RAB2A: variants seen among roughly 807,000 people sequenced by gnomAD.
The protein encoded by RAB2A is RAB2A, member RAS oncogene family, also known as ras-related protein Rab-2A.
Under a neutral mutation model 32.5 loss-of-function variants are expected in RAB2A, and 7 were observed. The ratio of observed to expected loss-of-function variants is 0.22; its 90% CI spans 0.12 to 0.40. The LOEUF (loss-of-function observed/expected upper bound fraction) is 0.40. RAB2A is among the 10% of genes least tolerant of loss of function. The pLI is 1.00. For missense variants in RAB2A, 108 were observed against 260.7 expected (o/e 0.41, Z 4.03); for synonymous variants, 79 against 85.2 (o/e 0.93, Z 0.40).
intron 1 of RAB2A, among the ~76,000 whole-genome samples, chr8:60,537,031 CA>C (rs1349088112): frequency 2.0e-5 from 3 of 152,040 alleles, no homozygotes; most frequent in Non-Finnish European, 4.4e-5. Context: ...TCATTACTAG[CA>C]AAAATGTAGA....
intron 1 of RAB2A, among the ~76,000 whole-genome samples, chr8:60,522,522 T>C (rs1411428023): frequency 6.6e-6 from 1 of 152,150 alleles, no homozygotes; most frequent in Non-Finnish European, 1.5e-5. Flanking sequence ...ACTTTCTTTT[T>C]TAAAAAAAAA....
intron 3 of RAB2A, among the ~76,000 whole-genome samples, chr8:60,579,917 G>A (rs762875687): frequency 6.6e-6 from 1 of 151,736 alleles, no homozygotes; most frequent in African/African-American, 2.4e-5. Context: ...GTGAGCCACC[G>A]CGCCTGGCCC....
intron 1 of RAB2A, among the ~76,000 whole-genome samples, chr8:60,527,322 CAG>C (rs1389926822): frequency 6.6e-6 from 1 of 152,160 alleles, no homozygotes; most frequent in Non-Finnish European, 1.5e-5. Context: ...GGTGGAGACA[CAG>C]AGCCAGACAA....
intron 1 of RAB2A, among the ~76,000 whole-genome samples, chr8:60,539,939 T>C (rs17743742): frequency 0.013 from 2,008 of 152,098 alleles, 27 homozygotes; most frequent in Non-Finnish European, 0.021. Flanking sequence ...CAGGCTGTTA[T>C]GAGAAATAAG....
intron 1 of RAB2A, among the ~76,000 whole-genome samples, chr8:60,522,792 A>T (rs1356664849): frequency 6.6e-6 from 1 of 151,540 alleles, no homozygotes; most frequent in Non-Finnish European, 1.5e-5. Context: ...CAGAAGGAAG[A>T]CCTCTTCCTG....
intron 2 of RAB2A, among the ~76,000 whole-genome samples, chr8:60,569,457 CT>C (rs1808163523): frequency 6.6e-6 from 1 of 152,104 alleles, no homozygotes; most frequent in African/African-American, 2.4e-5. Flanking sequence ...GAGGCAAAAT[CT>C]TTGTTTAAAG....
intron 6 of RAB2A, among the ~76,000 whole-genome samples, chr8:60,596,481 C>T (rs531265460): frequency 5.9e-5 from 9 of 152,196 alleles, no homozygotes; most frequent in Admixed American, 4.6e-4. Context: ...AAAAAGTGGG[C>T]GAAGGATATG....
chr8:60,544,926 G>GTATT (rs1318510807), intron 1 of RAB2A, among the ~76,000 whole-genome samples: 1 of 151,394 alleles, frequency 6.6e-6, no homozygotes, highest in Non-Finnish European at 1.5e-5. Flanking sequence ...TGTATTTTTG[G>GTATT]TAGAGACAGG....
rs534880927 is a variant in RAB2A at position 60,615,644 on chromosome 8, G to A, written c.475-2936G>A. On this transcript the variant is annotated intron_variant, in intron 6 of 7. Coordinates refer to ENST00000262646, the MANE Select transcript of RAB2A (RefSeq NM_002865.3). ...AGGAGATTTTATCTGTGACACCCAA[G>A]GCTCTTACCTTAGAACTTTTATTTG... Among the ~76,000 whole-genome samples the A allele has an allele frequency of 2.0e-5, 3 of 152,120 alleles. No individual in the cohort carries two copies. The East Asian group carries it at 5.8e-4, about 29-fold the overall frequency.
chr8:60,548,909 C>T (rs1409285110), intron 1 of RAB2A, among the ~76,000 whole-genome samples: 1 of 142,676 alleles, frequency 7.0e-6, no homozygotes, highest in Non-Finnish European at 1.6e-5. Flanking sequence ...CAGAGGGGCT[C>T]CTCACTTCTC....
rs1321600171 is a variant in RAB2A, at chr8:60,623,005, T to C, written c.*2236T>C. The C allele has an allele frequency of 6.6e-6, 1 of 152,224 alleles. No homozygotes were observed. Among genetic ancestry groups the C allele is most frequent in the African/African-American group, 2.4e-5 (1 of 41,452 alleles). 9.4% of individuals were successfully genotyped at this position (152,224 alleles called of 1,614,324 possible). A position where few individuals can be genotyped will look rare whatever the true frequency, so the allele number is the denominator to read the frequency against. ...AATTTGTAATATTGTAATTGAATTT[T>C]TAGTTGATCTTCGATCAGTTTTTAT... On this transcript the variant is annotated 3_prime_UTR_variant, in exon 8 of 8. Transcript: ENST00000262646.
chr8:60,609,933 G>A (rs570815433), intron 6 of RAB2A, among the ~76,000 whole-genome samples: 3 of 147,708 alleles, frequency 2.0e-5, no homozygotes, highest in South Asian at 2.2e-4. Context: ...CACTCCAGCC[G>A]GGGCAACAAA....
At chr8:60,546,823 A>G (rs73259436) in intron 1 of RAB2A, among the ~76,000 whole-genome samples, 9,592 of 151,568 alleles carry the variant, frequency 0.063, 793 homozygotes, top group African/African-American at 0.19. Flanking sequence ...TGACAGTTCA[A>G]TCAGCATCTC....
intron 6 of RAB2A, among the ~76,000 whole-genome samples, chr8:60,602,338 G>A (rs183840580): frequency 1.3e-5 from 2 of 151,904 alleles, no homozygotes; most frequent in African/African-American, 2.4e-5. Flanking sequence ...TAAATATTTC[G>A]ATATAAGTAA....
chr8:60,547,307 G>A (rs1329584991), intron 1 of RAB2A, among the ~76,000 whole-genome samples: 2 of 152,210 alleles, frequency 1.3e-5, no homozygotes, highest in African/African-American at 4.8e-5. Context: ...TTTCTACACA[G>A]ACATGGCAAC....
At chr8:60,521,606 G>A (rs1011003321) in intron 1 of RAB2A, among the ~76,000 whole-genome samples, 9 of 152,128 alleles carry the variant, frequency 5.9e-5, no homozygotes, top group Non-Finnish European at 1.0e-4. Flanking sequence ...TATGTATCAT[G>A]CTAAAATTGC....
chr8:60,603,211 T>C (rs1804166744), intron 6 of RAB2A, among the ~76,000 whole-genome samples: 1 of 152,202 alleles, frequency 6.6e-6, no homozygotes. Flanking sequence ...AGACTATTAT[T>C]ATTTGTTAAG....
intron 1 of RAB2A, among the ~76,000 whole-genome samples, chr8:60,520,360 T>C (rs541256611): frequency 6.6e-6 from 1 of 152,304 alleles, no homozygotes; most frequent in East Asian, 1.9e-4. Context: ...TAAATCTAGA[T>C]GTAAAGTGGA....
intron 1 of RAB2A, chr8:60,558,608 A>G (rs1807973444): frequency 1.9e-6 from 1 of 534,152 alleles, no homozygotes; most frequent in South Asian, 1.8e-5. Context: ...TAGCTGCCAT[A>G]TTTATCTTTC....
Sources: allele counts gnomAD v4.1 joint callset (sites outside exome capture counted in the v4.1 genomes callset), GRCh38; gene constraint gnomAD v4.1.1; transcripts MANE v1.5; gene names NCBI Gene and HGNC (gene_info 2026-07-23, HGNC 2026-07-21).